CCDC47: variants seen among roughly 807,000 people sequenced by gnomAD.
The protein encoded by CCDC47 is coiled-coil domain containing 47, also known as PAT complex subunit CCDC47.
A neutral mutation model predicts 60.5 loss-of-function variants in CCDC47; 41 were observed. The ratio of observed to expected loss-of-function variants is 0.68; its 90% CI spans 0.53 to 0.88. The LOEUF (loss-of-function observed/expected upper bound fraction) is 0.88. Among genes scored for constraint, CCDC47 ranks in the 40% least tolerant of loss-of-function variants. The pLI, the probability that CCDC47 is intolerant of heterozygous loss-of-function variation, is 0.00. For missense variants in CCDC47, 513 were observed against 580.9 expected, an observed-to-expected ratio of 0.88 and a Z score of 1.20; for synonymous variants, 195 against 190.7, an observed-to-expected ratio of 1.02 and a Z score of -0.18.
intron 1 of CCDC47, among the ~76,000 whole-genome samples, chr17:63,770,981 G>A (rs2039333939): frequency 1.5e-5 from 1 of 65,444 alleles, no homozygotes; most frequent in Non-Finnish European, 2.7e-5. Flanking sequence ...GAGCGAGACT[G>A]TGTCAAAAAA....
intron 12 of CCDC47, among the ~76,000 whole-genome samples, chr17:63,749,587 A>G (rs986771708): frequency 2.0e-5 from 3 of 151,814 alleles, no homozygotes; most frequent in Admixed American, 2.0e-4. Flanking sequence ...CATCTCTACT[A>G]AAAATACAAA....
intron 1 of CCDC47, among the ~76,000 whole-genome samples, chr17:63,767,371 A>G (rs760898275): frequency 6.6e-6 from 1 of 152,226 alleles, no homozygotes; most frequent in Non-Finnish European, 1.5e-5. Flanking sequence ...TTCTGCATTA[A>G]CAAATATAAT....
intron 7 of CCDC47, 54 bp downstream of exon 7, chr17:63,756,415 T>C: frequency 6.4e-7 from 1 of 1,572,128 alleles, no homozygotes; most frequent in South Asian, 1.1e-5. Flanking sequence ...TGAATATGTG[T>C]GTGCTAAGGA....
intron 4 of CCDC47, among the ~76,000 whole-genome samples, chr17:63,762,962 C>A (rs536115427): frequency 6.6e-6 from 1 of 152,282 alleles, no homozygotes; most frequent in Admixed American, 6.5e-5. Flanking sequence ...CATTCTGTCA[C>A]CCAGGCTGGA....
intron 1 of CCDC47, 43 bp from the exon 2 acceptor site, chr17:63,766,237 C>T (rs1372061866): frequency 1.3e-6 from 2 of 1,520,762 alleles, no homozygotes; most frequent in East Asian, 2.3e-5. Context: ...CCATTCTATA[C>T]ATACTGATCA....
chr17:63,758,139 GT>G (rs1215292635), intron 6 of CCDC47, among the ~76,000 whole-genome samples: 1 of 152,160 alleles, frequency 6.6e-6, no homozygotes, highest in Non-Finnish European at 1.5e-5. Flanking sequence ...CTACTCCTGA[GT>G]TTTATCCCTT....
At chr17:63,760,076 A>AAG (rs2039246087) in intron 6 of CCDC47, among the ~76,000 whole-genome samples, 1 of 151,398 alleles carries the variant, frequency 6.6e-6, no homozygotes. Flanking sequence ...AAAAAAAAAA[A>AAG]AAAAAGAAAC....
At chr17:63,768,416 G>A (rs771955202) in intron 1 of CCDC47, among the ~76,000 whole-genome samples, 3 of 148,044 alleles carry the variant, frequency 2.0e-5, no homozygotes, top group African/African-American at 8.0e-5. Flanking sequence ...TACATAGGGT[G>A]GTGGCTCTCC....
Position 63,746,863 on chromosome 17 carries a change from C to T in CCDC47, c.*18G>A. 1 of 1,596,586 alleles carries T rather than the reference C, an allele frequency of 6.3e-7. No individual in the cohort carries two copies. The highest frequency in any genetic ancestry group is 1.3e-5 in the African/African-American group (1 of 74,732). On this transcript the variant is annotated 3_prime_UTR_variant, in exon 13 of 13. Transcript: ENST00000225726. ...AGAGCTTACAGGTGGCATCAGAACT[C>T]AAATCTCTGGGATGGCTTTACATGG...
At chr17:63,772,296 C>T in intron 1 of CCDC47, among the ~76,000 whole-genome samples, 2 of 144,416 alleles carry the variant, frequency 1.4e-5, no homozygotes, top group African/African-American at 2.7e-5. Flanking sequence ...CTCTGTCACC[C>T]AGGCTGGAGT....
In CCDC47 at chr17:63,764,003, T is replaced by C. The variant is rs1175985265; in HGVS notation, c.547+13A>G. Reference sequence around the variant, plus strand: ...TTCAAGCAAGAAGCTGGGCTGACATTGGCCTCACTTACCCACTAAAGTAAA... The same window carrying C: ...TTCAAGCAAGAAGCTGGGCTGACATCGGCCTCACTTACCCACTAAAGTAAA... On this transcript the variant is annotated intron_variant, in intron 4 of 12. Transcript: ENST00000225726. 1.3e-6 allele frequency: 2 copies of C among 1,569,674 alleles called. No homozygotes were observed. The highest frequency in any genetic ancestry group is 1.7e-6 in the Non-Finnish European group (2 of 1,162,932).
intron 4 of CCDC47, chr17:63,762,162 C>T (rs2039266235): frequency 1.0e-6 from 1 of 984,472 alleles, no homozygotes; most frequent in Non-Finnish European, 1.2e-6. Flanking sequence ...AGCTCAAATT[C>T]CAATACTTTC....
rs771518909 is a variant in CCDC47, at chr17:63,756,528, C to T, written c.778G>A (p.Val260Ile). The change falls in exon 7 of 13, where the codon GTA becomes ATA. Residue 260 changes from valine (V) to isoleucine (I), a missense_variant. Coordinates refer to ENST00000225726, the MANE Select transcript of CCDC47 (RefSeq NM_020198.3). ...TMNDEDMDTY[V>I]FAVGTRKALV... The stretch of plus-strand genomic sequence containing the variant: ...GCTTTCCGTGTGCCAACAGCAAATA[C>T]GTAGGTATCCATGTCTTCATCATTC... 13 of 1,613,830 alleles carry T rather than the reference C, an allele frequency of 8.1e-6. No individual in the cohort carries two copies. The highest frequency in any genetic ancestry group is 2.2e-5 in the East Asian group (1 of 44,888).
At chr17:63,750,933 GGT>G (rs1308231671) in intron 12 of CCDC47, among the ~76,000 whole-genome samples, 1 of 151,118 alleles carries the variant, frequency 6.6e-6, no homozygotes, top group Non-Finnish European at 1.5e-5. Flanking sequence ...AGAGTGCAGT[GGT>G]GTGATCATAG....
chr17:63,763,536 A>T (rs141977345), intron 4 of CCDC47, among the ~76,000 whole-genome samples: 260 of 152,036 alleles, frequency 1.7e-3, no homozygotes, highest in Middle Eastern at 3.4e-3. Context: ...AAAAAATAAA[A>T]ATAAAAAGGC....
intron 9 of CCDC47, chr17:63,753,117 GAT>G (rs2039179909): frequency 7.9e-6 from 3 of 378,124 alleles, no homozygotes; most frequent in Non-Finnish European, 1.1e-5. Context: ...CCATATTTTA[GAT>G]ACATTTTTGC....
Position 63,765,990 on chromosome 17 carries a change from A to C in CCDC47, c.186T>G (p.Asp62Glu). The C allele has an allele frequency of 6.2e-7, 1 of 1,614,088 alleles. No homozygotes were observed. The highest frequency in any genetic ancestry group is 8.5e-7 in the Non-Finnish European group (1 of 1,179,992). ...ESPQRVIITE[D>E]DEDETTVELE... is the part of the protein sequence containing the mutation. ...ACTCCACAGTGGTCTCATCTTCATC[A>C]TCTTCAGTGATTATGACCCGTTGAG... Residue 62 changes from aspartate to glutamate, a missense_variant, in exon 2 of 13, where the codon GAT (aspartate) becomes GAG (glutamate). By Grantham distance (45) the Asp-to-Glu change is conservative. Coordinates refer to ENST00000225726, the MANE Select transcript of CCDC47 (RefSeq NM_020198.3).
At chr17:63,758,937 T>C (rs960888292) in intron 6 of CCDC47, among the ~76,000 whole-genome samples, 1 of 152,040 alleles carries the variant, frequency 6.6e-6, no homozygotes, top group African/African-American at 2.4e-5. Flanking sequence ...TTGAAGCAAT[T>C]TCTCTTAGCA....
intron 6 of CCDC47, 78 bp downstream of exon 6, chr17:63,760,836 C>CAA (rs374704881): frequency 1.8e-3 from 1,391 of 793,800 alleles, no homozygotes; most frequent in Non-Finnish European, 1.9e-3. Flanking sequence ...GAGACTCCAT[C>CAA]AAAAAAAAAA....
Sources: gnomAD v4.1 joint callset for allele counts (sites outside exome capture counted in the v4.1 genomes callset) on GRCh38, gnomAD v4.1.1 for gene constraint, MANE v1.5 for transcripts, NCBI Gene and HGNC (gene_info 2026-07-23, HGNC 2026-07-21) for gene names.